ABI1: variants seen among roughly 807,000 people sequenced by gnomAD.
ABI1 encodes the protein Abelson interactor 1.
A neutral mutation model predicts 54.6 loss-of-function variants in ABI1; 14 were observed. The ratio of observed to expected loss-of-function variants is 0.26; its 90% CI spans 0.17 to 0.40. The LOEUF is 0.40. ABI1 is among the 10% of genes least tolerant of loss of function. The pLI is 1.00. For synonymous variants in ABI1, 194 were observed against 209.3 expected, an observed-to-expected ratio of 0.93 and a Z score of 0.63; for missense variants, 443 against 598.3, an observed-to-expected ratio of 0.74 and a Z score of 2.71.
intron 2 of ABI1, among the ~76,000 whole-genome samples, chr10:26,790,925 G>A (rs72629726): frequency 0.022 from 3,389 of 152,018 alleles, 229 homozygotes; most frequent in East Asian, 0.2. Context: ...AAAAAAATTT[G>A]CTGGGCATGG....
chr10:26,833,851 GTTCA>G (rs2048848556), intron 1 of ABI1, among the ~76,000 whole-genome samples: 2 of 151,994 alleles, frequency 1.3e-5, no homozygotes, highest in Non-Finnish European at 2.9e-5. Flanking sequence ...AAATCTGTAT[GTTCA>G]AGGATATTCA....
chr10:26,836,324 C>A (rs543976831), intron 1 of ABI1, among the ~76,000 whole-genome samples: 21 of 151,138 alleles, frequency 1.4e-4, no homozygotes, highest in Non-Finnish European at 2.7e-4. Context: ...TGTTAGCCAG[C>A]CTGGTCTCGA....
intron 2 of ABI1, among the ~76,000 whole-genome samples, chr10:26,818,631 C>CAAAAAAAAAAAAAAAAAAAAAAAAA (rs376157276): frequency 6.8e-5 from 5 of 73,088 alleles, no homozygotes; most frequent in African/African-American, 2.2e-4. Flanking sequence ...GACCCCGTCA[C>CAAAAAAAAAAAAAAAAAAAAAAAAA]AAAAAAAAAA....
At chr10:26,755,029 G>A (rs1426706775) in intron 9 of ABI1, among the ~76,000 whole-genome samples, 2 of 152,130 alleles carry the variant, frequency 1.3e-5, no homozygotes, top group African/African-American at 2.4e-5. Flanking sequence ...AACAATCTTC[G>A]TGGGCCTGGA....
At chr10:26,842,735 A>C (rs1589050204) in intron 1 of ABI1, among the ~76,000 whole-genome samples, 2 of 152,356 alleles carry the variant, frequency 1.3e-5, no homozygotes, top group South Asian at 4.1e-4. Context: ...CAGACCACAG[A>C]GTACTACATA....
At chr10:26,779,885 A>G (rs1368999366) in intron 2 of ABI1, among the ~76,000 whole-genome samples, 2 of 152,180 alleles carry the variant, frequency 1.3e-5, no homozygotes, top group African/African-American at 4.8e-5. Flanking sequence ...CTACTGTACT[A>G]GATTGGGTTT....
chr10:26,839,651 T>TC, intron 1 of ABI1: 1 of 529,976 alleles, frequency 1.9e-6, no homozygotes. Flanking sequence ...TACTTCTGTT[T>TC]AAAAAAAAAA....
intron 2 of ABI1, among the ~76,000 whole-genome samples, chr10:26,800,363 G>A (rs113545841): frequency 0.025 from 3,818 of 152,084 alleles, 154 homozygotes; most frequent in African/African-American, 0.086. Flanking sequence ...CCAGCCTGGG[G>A]GAAAGAGTGA....
chr10:26,841,319 G>T (rs2049483705), intron 1 of ABI1, among the ~76,000 whole-genome samples: 1 of 150,974 alleles, frequency 6.6e-6, no homozygotes. Flanking sequence ...CATACAACAT[G>T]ATGTTATGGG....
intron 1 of ABI1, among the ~76,000 whole-genome samples, chr10:26,834,128 G>C (rs563856652): frequency 6.6e-6 from 1 of 152,122 alleles, no homozygotes; most frequent in Non-Finnish European, 1.5e-5. Context: ...TACTCAGGAG[G>C]GTGAGGCAGG....
intron 2 of ABI1, among the ~76,000 whole-genome samples, chr10:26,780,368 C>A (rs182735388): frequency 6.6e-6 from 1 of 152,278 alleles, no homozygotes; most frequent in South Asian, 2.1e-4. Flanking sequence ...GCTGGGATAA[C>A]AGGTGTATCC....
intron 1 of ABI1, among the ~76,000 whole-genome samples, chr10:26,823,674 G>C (rs138035393): frequency 3.3e-5 from 5 of 152,120 alleles, no homozygotes; most frequent in African/African-American, 1.2e-4. Flanking sequence ...CAATGAAATG[G>C]ACTAAATCCA....
At chr10:26,825,427 G>A (rs2048249263) in intron 1 of ABI1, among the ~76,000 whole-genome samples, 1 of 152,156 alleles carries the variant, frequency 6.6e-6, no homozygotes, top group South Asian at 2.1e-4. Flanking sequence ...TTGGGAGGCT[G>A]AGGCGGGAGG....
intron 2 of ABI1, among the ~76,000 whole-genome samples, chr10:26,800,506 G>A (rs530874648): frequency 3.6e-4 from 55 of 152,216 alleles, no homozygotes; most frequent in Middle Eastern, 3.4e-3. Flanking sequence ...AGCCGCGCAC[G>A]GTGGCTCACA....
chr10:26,783,108 G>C (rs141910386), intron 2 of ABI1, among the ~76,000 whole-genome samples: 1 of 152,122 alleles, frequency 6.6e-6, no homozygotes, highest in Non-Finnish European at 1.5e-5. Context: ...ACATACAATA[G>C]AATAGTATTT....
chr10:26,758,248 A>G (rs1165735297), intron 8 of ABI1, among the ~76,000 whole-genome samples: 1 of 152,166 alleles, frequency 6.6e-6, no homozygotes, highest in Admixed American at 6.5e-5. Flanking sequence ...AAAGAGCCAC[A>G]AAAGCCATGT....
At chr10:26,816,277 G>C (rs1405830185) in intron 2 of ABI1, among the ~76,000 whole-genome samples, 1 of 152,166 alleles carries the variant, frequency 6.6e-6, no homozygotes, top group South Asian at 2.1e-4. Context: ...ATGTAAATGG[G>C]ATTAAAACAG....
At chr10:26,847,256 G>A (rs2050050158) in intron 1 of ABI1, among the ~76,000 whole-genome samples, 2 of 151,992 alleles carry the variant, frequency 1.3e-5, no homozygotes, top group South Asian at 4.1e-4. Flanking sequence ...TTTTCTTTGG[G>A]ATCTTTATGG....
chr10:26,807,347 T>C (rs1467752720), intron 2 of ABI1, among the ~76,000 whole-genome samples: 1 of 152,036 alleles, frequency 6.6e-6, no homozygotes, highest in Non-Finnish European at 1.5e-5. Flanking sequence ...TGGTGGTGCA[T>C]GCCTGTAGTC....
Sources: gnomAD v4.1 joint callset for allele counts (sites outside exome capture counted in the v4.1 genomes callset) on GRCh38, gnomAD v4.1.1 for gene constraint, MANE v1.5 for transcripts, NCBI Gene and HGNC (gene_info 2026-07-23, HGNC 2026-07-21) for gene names.